NPAS3: variants seen among roughly 807,000 people sequenced by gnomAD.
The protein encoded by NPAS3 is neuronal PAS domain-containing protein 3.
In NPAS3, 14 loss-of-function variants were observed where a neutral mutation model predicts 73.1. The ratio of observed to expected loss-of-function variants is 0.19; its 90% confidence interval spans 0.13 to 0.30. The LOEUF (loss-of-function observed/expected upper bound fraction) is 0.30. Ranked by LOEUF, NPAS3 falls within the 10% of genes least tolerant of loss-of-function variation. The pLI is 1.00. For missense variants in NPAS3, 1,096 were observed against 1,250.0 expected (o/e 0.88, Z 1.86); for synonymous variants, 620 against 541.5 (o/e 1.14, Z -2.01).
At chr14:33,255,180 T>C (rs2048732987) in intron 3 of NPAS3, among the ~76,000 whole-genome samples, 1 of 152,176 alleles carries the variant, frequency 6.6e-6, no homozygotes, top group African/African-American at 2.4e-5. Flanking sequence ...AACCCTGTTT[T>C]GAAATTGCTT....
At chr14:33,548,338 T>C (rs147844680) in intron 4 of NPAS3, among the ~76,000 whole-genome samples, 221 of 152,356 alleles carry the variant, frequency 1.5e-3, no homozygotes, top group African/African-American at 5.0e-3. Flanking sequence ...ATTATTTTTG[T>C]TCTAACACAT....
chr14:33,219,858 G>C (rs1306557041), intron 3 of NPAS3, among the ~76,000 whole-genome samples: 1 of 152,130 alleles, frequency 6.6e-6, no homozygotes, highest in African/African-American at 2.4e-5. Context: ...TCAATAGAAA[G>C]GTAGAGACTC....
chr14:33,549,256 G>A (rs964277099), intron 4 of NPAS3, among the ~76,000 whole-genome samples: 1 of 151,996 alleles, frequency 6.6e-6, no homozygotes, highest in African/African-American at 2.4e-5. Flanking sequence ...TTTTGAGACG[G>A]GGTCTCACTC....
At position 33,652,617 on chromosome 14, in the gene NPAS3, G is replaced by A. The variant is rs141469092; in HGVS notation, c.559-23594G>A. Among the ~76,000 whole-genome samples, 606 of 152,276 alleles carry A rather than the reference G, an allele frequency of 4.0e-3. 7 individuals carry two copies. The highest frequency in any genetic ancestry group is 0.013 in the African/African-American group (554 of 41,556). ...GTCGTTAAAAGTAGGTTGCCCTCAC[G>A]AAGCAAAACGAGATGAGGGACTTTT... On this transcript the variant is annotated intron_variant, in intron 5 of 11. Coordinates refer to ENST00000356141, the Ensembl canonical transcript of NPAS3.
At chr14:32,998,381 A>G (rs1031080131) in intron 1 of NPAS3, among the ~76,000 whole-genome samples, 1 of 152,258 alleles carries the variant, frequency 6.6e-6, no homozygotes, top group African/African-American at 2.4e-5. Context: ...GAGAAGCAGG[A>G]AATGGGAGCA....
rs1174925382 is a variant in NPAS3, at chr14:33,129,042, AC to A, written c.140+73050del. Among the ~76,000 whole-genome samples, 3 of 152,036 alleles carry A rather than the reference AC, an allele frequency of 2.0e-5. No homozygotes were observed. The East Asian group carries it at 5.8e-4, about 30-fold the overall frequency. On this transcript the variant is annotated intron_variant, in intron 2 of 11. Coordinates refer to ENST00000356141, the Ensembl canonical transcript of NPAS3. ...CAGGATTTTTTTCCAGGTTTTTGTA[AC>A]CTGGAGAAAAGCCCCACAGCAGAAA...
intron 6 of NPAS3, among the ~76,000 whole-genome samples, chr14:33,719,364 G>A (rs1388046075): frequency 6.6e-6 from 1 of 152,226 alleles, no homozygotes; most frequent in East Asian, 1.9e-4. Flanking sequence ...GTCAGAAATA[G>A]CTGTGGAGAT....
At position 33,044,648 on chromosome 14, in the gene NPAS3, T is replaced by G. The variant is rs115302543; in HGVS notation, c.51-11257T>G. 7.2e-3 allele frequency among the ~76,000 whole-genome samples: 1,065 copies of G among 148,354 alleles called. 8 individuals carry two copies. The highest frequency in any genetic ancestry group is 0.023 in the African/African-American group (940 of 40,678). ...TGCCTTCAGAATTCTAAGAGTGAGT[T>G]AGTTTGTTTTTTTTTTTTTTGGCGG... On this transcript the variant is annotated intron_variant, in intron 1 of 11. Coordinates refer to ENST00000356141, the Ensembl canonical transcript of NPAS3.
At chr14:33,418,266 A>G (rs991742417) in intron 4 of NPAS3, among the ~76,000 whole-genome samples, 1 of 151,982 alleles carries the variant, frequency 6.6e-6, no homozygotes, top group African/African-American at 2.4e-5. Context: ...CAGTGACTTT[A>G]TAAGCAAGCA....
chr14:33,691,169 C>CTTAAATAT (rs2060227168), intron 6 of NPAS3, among the ~76,000 whole-genome samples: 1 of 152,124 alleles, frequency 6.6e-6, no homozygotes, highest in Non-Finnish European at 1.5e-5. Flanking sequence ...AGTTATTCAC[C>CTTAAATAT]AGCAGCTATA....
intron 2 of NPAS3, among the ~76,000 whole-genome samples, chr14:33,113,031 TG>T (rs2042947776): frequency 6.6e-6 from 1 of 152,218 alleles, no homozygotes; most frequent in African/African-American, 2.4e-5. Flanking sequence ...TCTGTATCTC[TG>T]TTTTGGTACC....
chr14:33,571,306 T>G (rs1202783735), intron 5 of NPAS3, among the ~76,000 whole-genome samples: 2 of 152,188 alleles, frequency 1.3e-5, no homozygotes, highest in Admixed American at 1.3e-4. Context: ...CTCCTTCTTC[T>G]TTAAAATGTG....
chr14:33,290,344 G>T (rs971114898), intron 3 of NPAS3, among the ~76,000 whole-genome samples: 1 of 152,288 alleles, frequency 6.6e-6, no homozygotes, highest in East Asian at 1.9e-4. Flanking sequence ...CCAAACAGGG[G>T]TTATTACCCC....
intron 3 of NPAS3, among the ~76,000 whole-genome samples, chr14:33,275,909 C>T (rs529904122): frequency 2.6e-5 from 4 of 152,284 alleles, no homozygotes; most frequent in South Asian, 2.1e-4. Context: ...TAAATATATG[C>T]TCTATAACTT....
intron 1 of NPAS3, among the ~76,000 whole-genome samples, chr14:32,980,770 C>T (rs905367712): frequency 6.6e-6 from 1 of 152,058 alleles, no homozygotes; most frequent in African/African-American, 2.4e-5. Flanking sequence ...AATCAAGTCA[C>T]GGAACATTGG....
exon 12 of NPAS3, chr14:33,799,939 G>A (rs759573042): frequency 6.8e-6 from 11 of 1,613,986 alleles, no homozygotes; most frequent in Admixed American, 3.3e-5. Context: ...AGGCGGGCGA[G>A]GACGGCTTCG....
At chr14:33,169,603 G>C (rs931375840) in intron 2 of NPAS3, among the ~76,000 whole-genome samples, 1 of 152,140 alleles carries the variant, frequency 6.6e-6, no homozygotes, top group African/African-American at 2.4e-5. Context: ...AGTGAATAAA[G>C]TGTATAGTAT....
chr14:33,492,498 G>T (rs979715395), intron 4 of NPAS3, among the ~76,000 whole-genome samples: 1 of 152,110 alleles, frequency 6.6e-6, no homozygotes, highest in South Asian at 2.1e-4. Context: ...GAGGAGAATC[G>T]CTTGCTCTTT....
chr14:33,071,120 G>A (rs2041470662), intron 2 of NPAS3, among the ~76,000 whole-genome samples: 1 of 152,102 alleles, frequency 6.6e-6, no homozygotes, highest in Non-Finnish European at 1.5e-5. Context: ...GTCCATACCT[G>A]ATTTGTCAAG....
Sources: allele counts gnomAD v4.1 joint callset (sites outside exome capture counted in the v4.1 genomes callset), GRCh38; gene constraint gnomAD v4.1.1; transcripts MANE v1.5; gene names NCBI Gene and HGNC (gene_info 2026-07-23, HGNC 2026-07-21).